HSDL2: variants seen among roughly 807,000 people sequenced by gnomAD.
The protein encoded by HSDL2 is hydroxysteroid dehydrogenase like 2, also known as hydroxysteroid dehydrogenase-like protein 2.
HSDL2 carries 27 observed loss-of-function variants against 46.3 expected under a neutral mutation model. The observed-to-expected ratio is 0.58, with a 90% confidence interval of 0.43 to 0.80. The LOEUF is 0.80. HSDL2 is among the 30% of genes least tolerant of loss of function. The pLI is 0.00. For missense variants in HSDL2, 451 were observed against 502.7 expected (o/e 0.90, Z 0.98); for synonymous variants, 153 against 163.6 (o/e 0.94, Z 0.50).
chr9:112,403,551 A>C (rs1831655118), intron 1 of HSDL2, among the ~76,000 whole-genome samples: 1 of 152,252 alleles, frequency 6.6e-6, no homozygotes, highest in Non-Finnish European at 1.5e-5. Flanking sequence ...GCTTTTAGGT[A>C]ATTTATTTTA....
intron 10 of HSDL2, among the ~76,000 whole-genome samples, chr9:112,466,236 GTTAT>G (rs574253382): frequency 4.7e-4 from 72 of 152,126 alleles, no homozygotes; most frequent in Non-Finnish European, 9.3e-4. Flanking sequence ...TCAAAATTTG[GTTAT>G]TTGTCTTTTA....
chr9:112,394,053 C>A (rs1831405101), intron 1 of HSDL2, among the ~76,000 whole-genome samples: 2 of 152,098 alleles, frequency 1.3e-5, no homozygotes. Context: ...GAGGGGCATA[C>A]CTGGGTCGAG....
rs550826672 is a variant in HSDL2, at chr9:112,450,544, G to A, written c.866-3469G>A. ...TTCGGGAGGCTGAGGCACAAGAATCGCTTGAACCTGGGAGGTGGAGGTTGC... is the reference window on the plus strand; with the variant it reads ...TTCGGGAGGCTGAGGCACAAGAATCACTTGAACCTGGGAGGTGGAGGTTGC... On this transcript the variant is annotated intron_variant, in intron 8 of 10. Transcript: ENST00000398805. Among the ~76,000 whole-genome samples, 288 of 148,474 alleles carry A rather than the reference G, an allele frequency of 1.9e-3. 1 individual carries two copies. The highest frequency in any genetic ancestry group is 2.3e-3 in the Non-Finnish European group (154 of 67,576).
intron 1 of HSDL2, among the ~76,000 whole-genome samples, chr9:112,399,502 A>G (rs7019195): frequency 0.28 from 42,126 of 151,938 alleles, 6,034 homozygotes; most frequent in Middle Eastern, 0.37. Context: ...TTGGACCACA[A>G]ATTTACCAGG....
At chr9:112,400,197 A>C (rs972409105) in intron 1 of HSDL2, among the ~76,000 whole-genome samples, 10 of 152,210 alleles carry the variant, frequency 6.6e-5, no homozygotes, top group Admixed American at 5.9e-4. Flanking sequence ...TCACCTTGGG[A>C]TATCATTTCA....
At chr9:112,460,487 G>A (rs1293074861) in intron 10 of HSDL2, among the ~76,000 whole-genome samples, 3 of 152,180 alleles carry the variant, frequency 2.0e-5, no homozygotes, top group Non-Finnish European at 4.4e-5. Context: ...GGTGGCTCGC[G>A]CCTGGAATCC....
intron 6 of HSDL2, among the ~76,000 whole-genome samples, chr9:112,433,621 A>T (rs1464430871): frequency 4.6e-5 from 7 of 152,152 alleles, no homozygotes; most frequent in African/African-American, 1.7e-4. Context: ...GCTAGCTAGA[A>T]TATTACATTA....
chr9:112,458,703 C>G (rs114207273), intron 9 of HSDL2, among the ~76,000 whole-genome samples: 2 of 151,922 alleles, frequency 1.3e-5, no homozygotes, highest in Non-Finnish European at 2.9e-5. Flanking sequence ...CATCACCTGC[C>G]GGGCACGGTA....
intron 6 of HSDL2, among the ~76,000 whole-genome samples, chr9:112,431,874 CTTT>C (rs57619792): frequency 3.8e-4 from 38 of 100,072 alleles, no homozygotes; most frequent in African/African-American, 6.3e-4. Flanking sequence ...GTATTTCTTT[CTTT>C]TTTTTTTTTT....
chr9:112,387,950 A>T (rs1423871891), intron 1 of HSDL2, among the ~76,000 whole-genome samples: 1 of 152,014 alleles, frequency 6.6e-6, no homozygotes, highest in Non-Finnish European at 1.5e-5. Flanking sequence ...CTTGAGCCCA[A>T]GCATTCAAGA....
At chr9:112,457,670 C>A (rs773261124) in intron 9 of HSDL2, among the ~76,000 whole-genome samples, 1 of 152,148 alleles carries the variant, frequency 6.6e-6, no homozygotes, top group African/African-American at 2.4e-5. Context: ...AAGCAATCTG[C>A]TGTTCTTCAG....
intron 10 of HSDL2, among the ~76,000 whole-genome samples, chr9:112,461,033 T>C (rs1833194135): frequency 6.6e-6 from 1 of 152,196 alleles, no homozygotes; most frequent in Non-Finnish European, 1.5e-5. Flanking sequence ...TTTCACTTAA[T>C]ACATTATAAC....
intron 6 of HSDL2, among the ~76,000 whole-genome samples, chr9:112,431,064 A>AAAAAAATTT: frequency 6.6e-6 from 1 of 151,884 alleles, no homozygotes; most frequent in Non-Finnish European, 1.5e-5. Flanking sequence ...AAAAAAAAAA[A>AAAAAAATTT]AAAAAAAATT....
At chr9:112,387,494 A>G (rs1831241866) in intron 1 of HSDL2, among the ~76,000 whole-genome samples, 1 of 152,226 alleles carries the variant, frequency 6.6e-6, no homozygotes, top group African/African-American at 2.4e-5. Flanking sequence ...TGCTGAGATT[A>G]TAGGCATGAG....
intron 2 of HSDL2, among the ~76,000 whole-genome samples, chr9:112,404,550 C>G (rs1831680008): frequency 6.6e-6 from 1 of 151,348 alleles, no homozygotes; most frequent in Non-Finnish European, 1.5e-5. Context: ...AAAAAAAAAT[C>G]TTGGTTCTTG....
At chr9:112,400,051 C>A (rs909406115) in intron 1 of HSDL2, among the ~76,000 whole-genome samples, 4 of 152,184 alleles carry the variant, frequency 2.6e-5, no homozygotes, top group Admixed American at 2.6e-4. Context: ...AATTTATGTT[C>A]CTCTTCCGCG....
intron 8 of HSDL2, among the ~76,000 whole-genome samples, chr9:112,447,418 C>T (rs76640952): frequency 6.6e-6 from 1 of 152,290 alleles, no homozygotes; most frequent in East Asian, 1.9e-4. Context: ...GTTTTTGCTG[C>T]AATCTCCTTG....
chr9:112,399,688 G>T (rs761627753), intron 1 of HSDL2, among the ~76,000 whole-genome samples: 4 of 152,166 alleles, frequency 2.6e-5, no homozygotes, highest in Admixed American at 6.5e-5. Flanking sequence ...GCTAGGAAAA[G>T]AATTTAGCAA....
intron 6 of HSDL2, among the ~76,000 whole-genome samples, chr9:112,435,135 T>C (rs936821582): frequency 6.6e-6 from 1 of 152,062 alleles, no homozygotes; most frequent in Non-Finnish European, 1.5e-5. Context: ...CTCCTTGAGT[T>C]TTGAGTGCCT....
Sources: gnomAD v4.1 joint callset for allele counts (sites outside exome capture counted in the v4.1 genomes callset) on GRCh38, gnomAD v4.1.1 for gene constraint, MANE v1.5 for transcripts, NCBI Gene and HGNC (gene_info 2026-07-23, HGNC 2026-07-21) for gene names.